Variants in DMXL1 observed in about 807,000 individuals in gnomAD.
The protein encoded by DMXL1 is Dmx like 1, also known as dmX-like protein 1.
A neutral mutation model predicts 319.2 loss-of-function variants in DMXL1; 99 were observed. That is an observed-to-expected ratio of 0.31 (90% CI 0.26 to 0.37). The LOEUF (loss-of-function observed/expected upper bound fraction) is 0.37, where lower values mean the gene tolerates loss of function less well. Among genes scored for constraint, DMXL1 ranks in the 10% least tolerant of loss-of-function variants. The pLI is 1.00. For synonymous variants in DMXL1, 1,385 were observed against 1,235.2 expected (o/e 1.12, Z -2.54); for missense variants, 3,745 against 3,595.6 (o/e 1.04, Z -1.06).
intron 31 of DMXL1, among the ~76,000 whole-genome samples, chr5:119,196,962 G>C (rs116492636): frequency 6.6e-6 from 1 of 152,040 alleles, no homozygotes; most frequent in Non-Finnish European, 1.5e-5. Flanking sequence ...TCATTATGCC[G>C]TAGTAGTAAA....
rs952923712 is a variant in DMXL1, at chr5:119,098,015, A to G, written c.124A>G (p.Ser42Gly). The G allele has an allele frequency of 6.2e-7, 1 of 1,608,092 alleles. No individual in the cohort carries two copies. Among genetic ancestry groups the G allele is most frequent in the Non-Finnish European group, 8.5e-7 (1 of 1,178,294 alleles). ...ASGCDIVILG[S>G]DFERLQIIPG... ...TGGATGTGACATTGTAATACTGGGA[A>G]GCGATTTTGAAAGATTACAGATAAT... The change falls in exon 2 of 44, where the codon AGC becomes GGC. Residue 42 changes from serine to glycine, a missense_variant. Coordinates refer to ENST00000539542, the MANE Select transcript of DMXL1 (RefSeq NM_001290321.3).
chr5:119,132,837 C>A, intron 10 of DMXL1: 1 of 554,402 alleles, frequency 1.8e-6, no homozygotes, highest in South Asian at 1.6e-5. Context: ...TTTGAAAGTC[C>A]AAGTTTTCTC....
At chr5:119,103,773 C>G (rs1454886947) in intron 3 of DMXL1, among the ~76,000 whole-genome samples, 2 of 152,000 alleles carry the variant, frequency 1.3e-5, no homozygotes, top group Non-Finnish European at 2.9e-5. Flanking sequence ...TTTCAGTACT[C>G]AATAAATATT....
At position 119,071,379 on chromosome 5, in the gene DMXL1, G is replaced by T; in HGVS notation, c.-191G>T. On this transcript the variant is annotated 5_prime_UTR_variant, in exon 1 of 44. Coordinates refer to ENST00000539542, the MANE Select transcript of DMXL1 (RefSeq NM_001290321.3). The stretch of plus-strand genomic sequence containing the variant: ...CCCTCTCGCCGACCCGCCCCCTCCG[G>T]GCCTCGCCCTCCGGGGCTCGGGATG... The T allele has an allele frequency of 1.7e-6, 1 of 573,030 alleles. No individual in the cohort carries two copies. The highest frequency in any genetic ancestry group is 3.0e-6 in the Non-Finnish European group (1 of 331,218). 35.5% of individuals were successfully genotyped at this position (573,030 alleles called of 1,614,324 possible). A position where few individuals can be genotyped will look rare whatever the true frequency, so the allele number is the denominator to read the frequency against.
intron 34 of DMXL1, among the ~76,000 whole-genome samples, chr5:119,211,421 A>G (rs773346722): frequency 1.4e-4 from 22 of 152,148 alleles, no homozygotes; most frequent in Non-Finnish European, 2.5e-4. Context: ...AGGTTTATCT[A>G]TTTCTTAAGT....
At position 119,247,366 on chromosome 5, in the gene DMXL1, A is replaced by T. The variant is rs1354116029; in HGVS notation, c.*147A>T. The T allele has an allele frequency of 2.8e-5, 17 of 599,062 alleles. No homozygotes were observed. Among genetic ancestry groups the T allele is most frequent in the African/African-American group, 1.7e-4 (9 of 54,034 alleles). The allele number at this position is 599,062 out of a possible 1,614,324, so 37.1% of individuals were successfully genotyped here. ...ATGGAGCTTTGCCCTTGATGCACTG[A>T]TGCCTTAAAAATTAACAAGGTCATT... On this transcript the variant is annotated 3_prime_UTR_variant, in exon 44 of 44. Coordinates refer to ENST00000539542, the MANE Select transcript of DMXL1 (RefSeq NM_001290321.3).
At chr5:119,240,898 A>T (rs1344453277) in intron 42 of DMXL1, among the ~76,000 whole-genome samples, 1 of 152,188 alleles carries the variant, frequency 6.6e-6, no homozygotes, top group African/African-American at 2.4e-5. Flanking sequence ...ATAATTTTCT[A>T]TAAAATATCC....
chr5:119,140,375 C>CT (rs1204812007), intron 13 of DMXL1, among the ~76,000 whole-genome samples: 1 of 151,662 alleles, frequency 6.6e-6, no homozygotes, highest in Non-Finnish European at 1.5e-5. Flanking sequence ...ACGTTGCTAA[C>CT]TAAGCCAATA....
intron 35 of DMXL1, among the ~76,000 whole-genome samples, chr5:119,219,795 T>C (rs1440115127): frequency 6.6e-6 from 1 of 152,122 alleles, no homozygotes; most frequent in Non-Finnish European, 1.5e-5. Flanking sequence ...ATCGAACTCC[T>C]GAGCTCAAGC....
intron 1 of DMXL1, among the ~76,000 whole-genome samples, chr5:119,096,890 A>G (rs969805954): frequency 6.6e-6 from 1 of 152,256 alleles, no homozygotes; most frequent in Non-Finnish European, 1.5e-5. Flanking sequence ...AGAATTGAGG[A>G]CTAGAGTAGA....
chr5:119,149,440 C>T lies in DMXL1; in HGVS notation c.3613C>T (p.Leu1205=). The change falls in exon 18 of 44, where the codon CTA becomes TTA. Residue 1205 remains leucine, a synonymous_variant. Transcript: ENST00000539542. ...SKFVLLRSVD[L]VSSVDGSPPF... Reference sequence around the variant, plus strand: ...ATTTGTACTATTACGAAGTGTGGACCTAGTTTCTTCTGTAGATGGCTCCCC... The same window carrying T: ...ATTTGTACTATTACGAAGTGTGGACTTAGTTTCTTCTGTAGATGGCTCCCC... 6.2e-7 allele frequency: 1 copy of T among 1,613,928 alleles called. No homozygotes were observed. Among genetic ancestry groups the T allele is most frequent in the South Asian group, 1.1e-5 (1 of 91,082 alleles).
At chr5:119,102,045 G>A in intron 3 of DMXL1, 39 bp downstream of exon 3, 4 of 1,314,126 alleles carry the variant, frequency 3.0e-6, no homozygotes, top group Non-Finnish European at 3.2e-6. Context: ...GAATTGAAAT[G>A]TTTTAAGTAT....
chr5:119,209,211 T>A (rs1782298077), intron 34 of DMXL1, among the ~76,000 whole-genome samples: 1 of 152,224 alleles, frequency 6.6e-6, no homozygotes. Flanking sequence ...ATTTCTCTTG[T>A]GTAAATGCCT....
chr5:119,086,420 T>C (rs1753378491), intron 1 of DMXL1, among the ~76,000 whole-genome samples: 1 of 152,242 alleles, frequency 6.6e-6, no homozygotes, highest in Non-Finnish European at 1.5e-5. Flanking sequence ...TGAATGATCT[T>C]TTAATGTGTT....
At chr5:119,224,403 T>C (rs969009289) in intron 37 of DMXL1, among the ~76,000 whole-genome samples, 2 of 152,032 alleles carry the variant, frequency 1.3e-5, no homozygotes, top group African/African-American at 4.8e-5. Flanking sequence ...ACTTACACTA[T>C]TCAGGATTAT....
chr5:119,176,909 G>T (rs369176622), intron 26 of DMXL1, among the ~76,000 whole-genome samples: 68 of 152,180 alleles, frequency 4.5e-4, no homozygotes, highest in African/African-American at 1.6e-3. Context: ...AGAGTAGTAT[G>T]ATAACATTAT....
chr5:119,091,108 T>C (rs572979290), intron 1 of DMXL1, among the ~76,000 whole-genome samples: 34 of 152,296 alleles, frequency 2.2e-4, no homozygotes, highest in African/African-American at 7.9e-4. Context: ...CTTAAAACTA[T>C]TTTGAATTCT....
chr5:119,217,089 C>A, intron 35 of DMXL1, 102 bp downstream of exon 35: 1 of 620,880 alleles, frequency 1.6e-6, no homozygotes, highest in Non-Finnish European at 2.7e-6. Flanking sequence ...AAAGCTGCTT[C>A]CAGTTCCTTA....
intron 16 of DMXL1, 31 bp downstream of exon 16, chr5:119,146,987 T>A (rs139927463): frequency 6.4e-5 from 103 of 1,606,868 alleles, no homozygotes; most frequent in Middle Eastern, 1.7e-4. Flanking sequence ...TTTGTGCAAC[T>A]TTAATAGGTG....
Sources: gnomAD v4.1 joint callset for allele counts (sites outside exome capture counted in the v4.1 genomes callset) on GRCh38, gnomAD v4.1.1 for gene constraint, MANE v1.5 for transcripts, NCBI Gene and HGNC (gene_info 2026-07-23, HGNC 2026-07-21) for gene names.